ZNF606: variants seen among roughly 807,000 people sequenced by gnomAD.
ZNF606 encodes zinc finger protein 328.
ZNF606 carries 37 observed loss-of-function variants against 74.9 expected under a neutral mutation model. That is an observed-to-expected ratio of 0.49 (90% confidence interval 0.38 to 0.65). The LOEUF is 0.65. Ranked by LOEUF, ZNF606 falls within the 30% of genes least tolerant of loss-of-function variation. The pLI, the probability that ZNF606 is intolerant of heterozygous loss-of-function variation, is 0.00. For missense variants in ZNF606, 852 were observed against 952.9 expected (o/e 0.89, Z 1.39); for synonymous variants, 328 against 312.4 (o/e 1.05, Z -0.53).
At position 57,999,890 on chromosome 19, in the gene ZNF606, C is replaced by T. The variant is rs2073392394; in HGVS notation, c.95G>A (p.Cys32Tyr). 1 of 1,613,732 alleles carries T rather than the reference C, an allele frequency of 6.2e-7. No individual in the cohort carries two copies. Among genetic ancestry groups the T allele is most frequent in the South Asian group, 1.1e-5 (1 of 91,084 alleles). Reference protein sequence around the residue: ...AVDPWASWALCPQYPAWHVEG... With the variant: ...AVDPWASWALYPQYPAWHVEG... ...CACGTGCCAGGCAGGATACTGAGGA[C>T]ACAGAGCTAGGAAACGAGAAAAAAG... Residue 32 changes from cysteine to tyrosine, a missense_variant, in exon 4 of 7, where the codon TGT becomes TAT. Cys to Tyr is a radical substitution (Grantham distance 194). Coordinates refer to ENST00000551380, the MANE Select transcript of ZNF606 (RefSeq NM_001348022.3).
Position 57,987,427 on chromosome 19 carries a change from G to T in ZNF606, c.400+780C>A, listed in dbSNP as rs992649449. ...CCCAGCTAAGTTTTTTAATAAAGGA[G>T]ATTTTTTTTTTAGCTTATACATTTT... On this transcript the variant is annotated intron_variant, in intron 6 of 6. Coordinates refer to ENST00000551380, the MANE Select transcript of ZNF606 (RefSeq NM_001348022.3). Among the ~76,000 whole-genome samples, 7 of 151,612 alleles carry T rather than the reference G, an allele frequency of 4.6e-5. No individual in the cohort carries two copies. In the South Asian group the frequency reaches 6.3e-4, roughly 14 times the overall value.
intron 6 of ZNF606, among the ~76,000 whole-genome samples, chr19:57,983,415 A>C (rs2073118772): frequency 1.3e-5 from 2 of 151,972 alleles, no homozygotes; most frequent in South Asian, 4.2e-4. Context: ...TCTCTACTAA[A>C]AAAATACAAA....
chr19:57,988,323 T>A (rs776193871), intron 5 of ZNF606, 21 bp from the exon 6 acceptor site: 1 of 1,606,244 alleles, frequency 6.2e-7, no homozygotes, highest in Admixed American at 1.7e-5. Flanking sequence ...AGGAAAAGCA[T>A]GGAAATCATG....
In ZNF606 at chr19:58,002,652, G is replaced by A. The variant is rs981694830; in HGVS notation, c.-308C>T. 2 of 453,570 alleles carry A rather than the reference G, an allele frequency of 4.4e-6. No homozygotes were observed. The allele number at this position is 453,570 out of a possible 1,614,324, so 28.1% of individuals were successfully genotyped here. A position where few individuals can be genotyped will look rare whatever the true frequency, so the allele number is the denominator to read the frequency against. ...TGCTGGCTGGAGAACCGACGGCAAC[G>A]ACGGCGCAAAGCCGGCGCGGAAAGG... On this transcript the variant is annotated 5_prime_UTR_variant, in exon 1 of 7. Transcript: ENST00000551380.
chr19:58,000,572 C>A, intron 3 of ZNF606, 111 bp downstream of exon 3: 5 of 1,170,452 alleles, frequency 4.3e-6, no homozygotes, highest in Non-Finnish European at 6.4e-6. Context: ...AGATCTGGAC[C>A]ACCTGCCCTA....
At chr19:57,996,715 A>C (rs993404128) in intron 4 of ZNF606, among the ~76,000 whole-genome samples, 1 of 152,130 alleles carries the variant, frequency 6.6e-6, no homozygotes, top group Admixed American at 6.5e-5. Flanking sequence ...AAGGGTGCTA[A>C]AGAGAGAAGA....
chr19:57,989,912 C>T (rs996892297), intron 4 of ZNF606, among the ~76,000 whole-genome samples: 3 of 150,946 alleles, frequency 2.0e-5, no homozygotes, highest in Non-Finnish European at 2.9e-5. Context: ...ATTAGCTCAG[C>T]GCAGTGGCAC....
chr19:57,980,406 G>T (rs2073067014), intron 6 of ZNF606, 127 bp from the exon 7 acceptor site: 1 of 888,562 alleles, frequency 1.1e-6, no homozygotes, highest in Non-Finnish European at 1.7e-6. Flanking sequence ...TCCAGGCTTA[G>T]AACTCAGAGA....
At chr19:58,001,471 G>GT in intron 1 of ZNF606, 101 bp from the exon 2 acceptor site, 1 of 835,522 alleles carries the variant, frequency 1.2e-6, no homozygotes. Flanking sequence ...AAAAAAACTT[G>GT]TAAGGAGCAT....
chr19:57,987,037 T>A (rs2073173742), intron 6 of ZNF606, among the ~76,000 whole-genome samples: 2 of 151,844 alleles, frequency 1.3e-5, no homozygotes, highest in South Asian at 4.2e-4. Flanking sequence ...CTGCAGTAAG[T>A]CAAGATTGTA....
At chr19:58,003,060 C>T (rs535011593), upstream of ZNF606, 539 of 410,294 alleles carry the variant, frequency 1.3e-3, 4 homozygotes, top group African/African-American at 9.4e-3. Context: ...AGTCGCGGCC[C>T]CGCGGGCCTC....
At position 57,980,153 on chromosome 19, in the gene ZNF606, ACTT is replaced by A; in HGVS notation, c.524_526del (p.Glu175del). The A allele has an allele frequency of 6.2e-7, 1 of 1,614,140 alleles. No homozygotes were observed. Among genetic ancestry groups the A allele is most frequent in the South Asian group, 1.1e-5 (1 of 91,082 alleles). On this transcript the variant is annotated inframe_deletion, in exon 7 of 7. Transcript: ENST00000551380. ...TTCTAATTGGTCTTTACATCCCAAAACTTCTAACCTGGAGAACCAAGGATCATC... is the reference window on the plus strand; with the variant it reads ...TTCTAATTGGTCTTTACATCCCAAAACTAACCTGGAGAACCAAGGATCATC...
intron 6 of ZNF606, among the ~76,000 whole-genome samples, chr19:57,985,284 C>T (rs1037669734): frequency 2.6e-5 from 4 of 152,178 alleles, no homozygotes; most frequent in Non-Finnish European, 2.9e-5. Flanking sequence ...TGACAGCCCC[C>T]ACTTCTGGTA....
rs757691367 is a variant in ZNF606, at chr19:57,979,926, C to T, written c.754G>A (p.Ala252Thr). 9 of 1,613,840 alleles carry T rather than the reference C, an allele frequency of 5.6e-6. No homozygotes were observed. The Admixed American group carries it at 1.3e-4, about 24-fold the overall frequency. ...GTAACCTTATCTGCATACATTATGGCTGAGTCACATCTCCAACTTTGAGCA... is the reference window on the plus strand; with the variant it reads ...GTAACCTTATCTGCATACATTATGGTTGAGTCACATCTCCAACTTTGAGCA... ...THAQSWRCDS[A>T]IMYADKVTCE... Residue 252 changes from alanine to threonine, a missense_variant, in exon 7 of 7, where the codon GCC becomes ACC. Coordinates refer to ENST00000551380, the MANE Select transcript of ZNF606 (RefSeq NM_001348022.3).
At chr19:57,993,400 G>A (rs1194681937) in intron 4 of ZNF606, among the ~76,000 whole-genome samples, 5 of 152,036 alleles carry the variant, frequency 3.3e-5, no homozygotes, top group African/African-American at 7.3e-5. Context: ...AAATGGGGGC[G>A]TCAGCACCTT....
chr19:58,001,267 G>T, intron 2 of ZNF606, 22 bp downstream of exon 2: 1 of 1,613,952 alleles, frequency 6.2e-7, no homozygotes, highest in Admixed American at 1.7e-5. Context: ...GGAGGCCCAG[G>T]AGAAACACAA....
chr19:57,988,250 C>T lies in ZNF606; in HGVS notation c.357G>A (p.Glu119=). The change falls in exon 6 of 7, where the codon GAG becomes GAA. Residue 119 remains glutamate, a synonymous_variant. Transcript: ENST00000551380. ...GACATGCCTGCTCCACTGACCACGGCTCTTCTCCTTGCTCCAACAGGGAGA... is the reference window on the plus strand; with the variant it reads ...GACATGCCTGCTCCACTGACCACGGTTCTTCTCCTTGCTCCAACAGGGAGA... The part of the protein sequence containing the change: ...EVISLLEQGE[E]PWSVEQACPQ... 2 of 1,614,122 alleles carry T rather than the reference C, an allele frequency of 1.2e-6. No individual in the cohort carries two copies. Among genetic ancestry groups the T allele is most frequent in the South Asian group, 2.2e-5 (2 of 91,082 alleles).
intron 6 of ZNF606, among the ~76,000 whole-genome samples, chr19:57,981,954 CA>C (rs1226739101): frequency 1.3e-5 from 2 of 152,228 alleles, no homozygotes; most frequent in East Asian, 3.8e-4. Context: ...AAACTCCTGG[CA>C]AGTTTAATAC....
intron 6 of ZNF606, among the ~76,000 whole-genome samples, chr19:57,985,803 G>A (rs774070011): frequency 6.6e-5 from 10 of 151,846 alleles, no homozygotes; most frequent in South Asian, 2.1e-4. Context: ...GCGTGGTGGC[G>A]GGCCCCTGTA....
Sources: allele counts gnomAD v4.1 joint callset (sites outside exome capture counted in the v4.1 genomes callset), GRCh38; gene constraint gnomAD v4.1.1; transcripts MANE v1.5; gene names NCBI Gene and HGNC (gene_info 2026-07-23, HGNC 2026-07-21).